The following OR2J3 variants were observed in gnomAD, a reference collection of about 807,000 sequenced individuals.
OR2J3 encodes the protein olfactory receptor 2J3.
Under a neutral mutation model 18.5 loss-of-function variants are expected in OR2J3, and 13 were observed. The observed-to-expected ratio is 0.70, with a 90% CI of 0.46 to 1.12. OR2J3 has a LOEUF of 1.12. Among genes scored for constraint, OR2J3 ranks in the 50% most tolerant of loss-of-function variants. The pLI, the probability that OR2J3 is intolerant of heterozygous loss-of-function variation, is 0.00. For missense variants in OR2J3, 321 were observed against 371.6 expected (o/e 0.86, Z 1.12); for synonymous variants, 142 against 140.6 (o/e 1.01, Z -0.07).
Position 29,112,171 on chromosome 6 carries a change from C to T in OR2J3, c.281C>T (p.Thr94Ile). 6.2e-7 allele frequency: 1 copy of T among 1,614,154 alleles called. No homozygotes were observed. Residue 94 changes from threonine (T) to isoleucine (I), a missense_variant, in exon 4 of 4, where the codon ACC (threonine) becomes ATC (isoleucine). Thr to Ile is a moderately conservative substitution (Grantham distance 89). Coordinates refer to ENST00000641151, the MANE Select transcript of OR2J3 (RefSeq NM_001005216.4). Reference protein sequence around the residue: ...LLVNLWGPEKTISYAGCMIQL... With the variant: ...LLVNLWGPEKIISYAGCMIQL... ...GTCAATCTCTGGGGCCCGGAAAAGA[C>T]CATCTCTTATGCTGGTTGCATGATT...
Position 29,112,929 on chromosome 6 carries a change from G to C in OR2J3, c.*103G>C. 7.2e-7 allele frequency: 1 copy of C among 1,379,478 alleles called. No homozygotes were observed. Among genetic ancestry groups the C allele is most frequent in the Non-Finnish European group, 9.6e-7 (1 of 1,040,304 alleles). The allele number at this position is 1,379,478 out of a possible 1,614,324, so 85.5% of individuals were successfully genotyped here. A position where few individuals can be genotyped will look rare whatever the true frequency, so the allele number is the denominator to read the frequency against. On this transcript the variant is annotated 3_prime_UTR_variant, in exon 4 of 4. Transcript: ENST00000641151. ...ATTCTTTTATTCACTCACTCTGTTA[G>C]CACTTGCTGAGCATGTACTCTAACA...
At position 29,111,911 on chromosome 6, in the gene OR2J3, C is replaced by G. The variant is rs539801515; in HGVS notation, c.21C>G (p.Val7=). The change falls in exon 4 of 4, where the codon GTC becomes GTG. Residue 7 remains valine (V), a synonymous_variant. Coordinates refer to ENST00000641151, the MANE Select transcript of OR2J3 (RefSeq NM_001005216.4). Reference sequence around the variant, plus strand: ...AGGAAATGAATGATGATGGAAAAGTCAATGCTAGCTCTGAGGGGTACTTTA... The same window carrying G: ...AGGAAATGAATGATGATGGAAAAGTGAATGCTAGCTCTGAGGGGTACTTTA... MNDDGK[V]NASSEGYFIL... is the part of the protein sequence containing the mutation. 10 of 1,611,618 alleles carry G rather than the reference C, an allele frequency of 6.2e-6. No homozygotes were observed. In the African/African-American group the frequency reaches 1.2e-4, roughly 19 times the overall value.
At chr6:29,109,264 C>T (rs974196378) in intron 3 of OR2J3, among the ~76,000 whole-genome samples, 1 of 152,104 alleles carries the variant, frequency 6.6e-6, no homozygotes, top group Admixed American at 6.6e-5. Context: ...AATGTGCAGA[C>T]TGATTTTCCT....
rs929561879 is a variant in OR2J3, at chr6:29,112,471, A to G, written c.581A>G (p.Asp194Gly). The G allele has an allele frequency of 1.9e-6, 3 of 1,613,912 alleles. No individual in the cohort carries two copies. Among genetic ancestry groups the G allele is most frequent in the Non-Finnish European group, 2.5e-6 (3 of 1,180,004 alleles). Residue 194 changes from aspartate to glycine, a missense_variant, in exon 4 of 4, where the codon GAT becomes GGT. Coordinates refer to ENST00000641151, the MANE Select transcript of OR2J3 (RefSeq NM_001005216.4). ...GCACTTCTGCGATTATCGTGTGTTG[A>G]TACCCATGTCAATGAGCTGACCCTC... ...VPALLRLSCV[D>G]THVNELTLMI...
chr6:29,108,920 C>G (rs1426443072), intron 3 of OR2J3, 45 bp downstream of exon 3: 2 of 152,246 alleles, frequency 1.3e-5, no homozygotes, highest in African/African-American at 4.8e-5. Context: ...CTCATTCTAA[C>G]CTCTCTATGT....
At chr6:29,109,006 A>G (rs1390144159) in intron 3 of OR2J3, 131 bp downstream of exon 3, 1 of 152,196 alleles carries the variant, frequency 6.6e-6, no homozygotes, top group African/African-American at 2.4e-5. Flanking sequence ...AATGTAATAA[A>G]TTATCGAGGC....
chr6:29,110,890 TCTATCTAC>T (rs1414797108), intron 3 of OR2J3, among the ~76,000 whole-genome samples: 2 of 143,652 alleles, frequency 1.4e-5, no homozygotes, highest in African/African-American at 5.1e-5. Flanking sequence ...TATCTATCTA[TCTATCTAC>T]CTATCTATCT....
In OR2J3 at chr6:29,113,090, T is replaced by TCTCG. The variant is rs1762211292; in HGVS notation, c.*264_*265insCTCG. On this transcript the variant is annotated 3_prime_UTR_variant, in exon 4 of 4. Transcript: ENST00000641151. ...GTTTTTCCATGGTACAAACCTAATG[T>TCTCG]ATCCAAGACAGACATTTCTCGATTG... is the stretch of plus-strand genomic sequence containing the variant. 3 of 388,918 alleles carry TCTCG rather than the reference T, an allele frequency of 7.7e-6. No homozygotes were observed. In the South Asian group the frequency reaches 3.0e-4, roughly 38 times the overall value. The allele number at this position is 388,918 out of a possible 1,614,324, so 24.1% of individuals were successfully genotyped here.
rs1177937114 is a variant in OR2J3, at chr6:29,112,506, A to G, written c.616A>G (p.Ser206Gly). The G allele has an allele frequency of 6.2e-7, 1 of 1,614,122 alleles. No individual in the cohort carries two copies. The highest frequency in any genetic ancestry group is 2.2e-5 in the East Asian group (1 of 44,886). The change falls in exon 4 of 4, where the codon AGC (serine) becomes GGC (glycine). Residue 206 changes from serine to glycine, a missense_variant. Physicochemically the swap from Ser to Gly is moderately conservative, Grantham distance 56. Coordinates refer to ENST00000641151, the MANE Select transcript of OR2J3 (RefSeq NM_001005216.4). ...HVNELTLMIT[S>G]SIFVLIPLIL... is the part of the protein sequence containing the mutation. The stretch of plus-strand genomic sequence containing the variant: ...CAATGAGCTGACCCTCATGATCACA[A>G]GCTCCATATTTGTTCTCATACCTCT...
chr6:29,112,991 C>T lies in OR2J3; in HGVS notation c.*165C>T, dbSNP rs1762208410. On this transcript the variant is annotated 3_prime_UTR_variant, in exon 4 of 4. Transcript: ENST00000641151. ...TTCCTGGTAACAGGTAGGAATAAAA[C>T]ACAGTCAGCCTAAATACCATTCACT... is the stretch of plus-strand genomic sequence containing the variant. The T allele has an allele frequency of 1.3e-6, 1 of 749,322 alleles. No homozygotes were observed. The highest frequency in any genetic ancestry group is 2.0e-5 in the South Asian group (1 of 50,630). The allele number at this position is 749,322 out of a possible 1,614,324, so 46.4% of individuals were successfully genotyped here. A position where few individuals can be genotyped will look rare whatever the true frequency, so the allele number is the denominator to read the frequency against.
chr6:29,111,919 G>C lies in OR2J3; in HGVS notation c.29G>C (p.Ser10Thr). The part of the protein sequence containing the change: MNDDGKVNA[S>T]SEGYFILVGF... ...AATGATGATGGAAAAGTCAATGCTA[G>C]CTCTGAGGGGTACTTTATTTTAGTT... Residue 10 changes from serine (S) to threonine (T), a missense_variant, in exon 4 of 4, where the codon AGC becomes ACC. Coordinates refer to ENST00000641151, the MANE Select transcript of OR2J3 (RefSeq NM_001005216.4). 1 of 1,613,460 alleles carries C rather than the reference G, an allele frequency of 6.2e-7. No homozygotes were observed. The highest frequency in any genetic ancestry group is 8.5e-7 in the Non-Finnish European group (1 of 1,179,766).
chr6:29,113,587 TGCATTACCTAAGGAAC>T lies in OR2J3; in HGVS notation c.*762_*777del, dbSNP rs1226888756. On this transcript the variant is annotated 3_prime_UTR_variant, in exon 4 of 4. Coordinates refer to ENST00000641151, the MANE Select transcript of OR2J3 (RefSeq NM_001005216.4). The stretch of plus-strand genomic sequence containing the variant: ...AGGTGAGGTAAGTGCTTGGAGCAAC[TGCATTACCTAAGGAAC>T]TAAGGAAAACATTTGAGGCAAATAG... The T allele has an allele frequency of 3.3e-5, 5 of 152,194 alleles. No homozygotes were observed. Among genetic ancestry groups the T allele is most frequent in the Admixed American group, 2.0e-4 (3 of 15,272 alleles). The allele number at this position is 152,194 out of a possible 1,614,324, so 9.4% of individuals were successfully genotyped here. A position where few individuals can be genotyped will look rare whatever the true frequency, so the allele number is the denominator to read the frequency against.
chr6:29,111,408 T>C (rs1202290440), intron 3 of OR2J3, among the ~76,000 whole-genome samples: 2 of 152,210 alleles, frequency 1.3e-5, no homozygotes, highest in Non-Finnish European at 2.9e-5. Flanking sequence ...CAAATACAGT[T>C]GATCTTAAGA....
At chr6:29,110,425 A>G (rs916344551) in intron 3 of OR2J3, among the ~76,000 whole-genome samples, 1 of 152,156 alleles carries the variant, frequency 6.6e-6, no homozygotes, top group Non-Finnish European at 1.5e-5. Context: ...CTTTTCATCC[A>G]TATGTAAGAT....
chr6:29,110,851 C>T (rs934993421), intron 3 of OR2J3, among the ~76,000 whole-genome samples: 1 of 115,208 alleles, frequency 8.7e-6, no homozygotes, highest in East Asian at 2.7e-4. Flanking sequence ...AACTATCTAT[C>T]TATTTATCTA....
At chr6:29,109,104 C>T (rs2150950121) in intron 3 of OR2J3, among the ~76,000 whole-genome samples, 1 of 152,260 alleles carries the variant, frequency 6.6e-6, no homozygotes, top group South Asian at 2.1e-4. Flanking sequence ...GTATTATCTC[C>T]TATTCTAGAG....
chr6:29,112,512 A>G lies in OR2J3; in HGVS notation c.622A>G (p.Ile208Val), dbSNP rs772925131. The change falls in exon 4 of 4, where the codon ATA (isoleucine) becomes GTA (valine). Residue 208 changes from isoleucine to valine, a missense_variant. Coordinates refer to ENST00000641151, the MANE Select transcript of OR2J3 (RefSeq NM_001005216.4). Reference sequence around the variant, plus strand: ...GCTGACCCTCATGATCACAAGCTCCATATTTGTTCTCATACCTCTCATCCT... The same window carrying G: ...GCTGACCCTCATGATCACAAGCTCCGTATTTGTTCTCATACCTCTCATCCT... Reference protein sequence around the residue: ...NELTLMITSSIFVLIPLILIL... With the variant: ...NELTLMITSSVFVLIPLILIL... 10 of 1,614,116 alleles carry G rather than the reference A, an allele frequency of 6.2e-6. No individual in the cohort carries two copies. The highest frequency in any genetic ancestry group is 2.2e-5 in the South Asian group (2 of 91,076).
intron 3 of OR2J3, among the ~76,000 whole-genome samples, chr6:29,110,320 C>A (rs1762077857): frequency 6.6e-6 from 1 of 152,108 alleles, no homozygotes; most frequent in Non-Finnish European, 1.5e-5. Flanking sequence ...TCCAAGTAAA[C>A]AAATCACAAG....
chr6:29,109,194 A>G (rs192838333), intron 3 of OR2J3, among the ~76,000 whole-genome samples: 1 of 152,082 alleles, frequency 6.6e-6, no homozygotes, highest in Admixed American at 6.5e-5. Flanking sequence ...TTCATGATTT[A>G]CTCTTTGACT....
Sources: gnomAD v4.1 joint callset for allele counts (sites outside exome capture counted in the v4.1 genomes callset) on GRCh38, gnomAD v4.1.1 for gene constraint, MANE v1.5 for transcripts, NCBI Gene and HGNC (gene_info 2026-07-23, HGNC 2026-07-21) for gene names.